Variants in MAPK10 observed in about 807,000 individuals in gnomAD.
MAPK10 encodes the protein mitogen-activated protein kinase 10.
MAPK10 carries 25 observed loss-of-function variants against 59.3 expected under a neutral mutation model. That is an observed-to-expected ratio of 0.42 (90% CI 0.31 to 0.59). The LOEUF is 0.59. Ranked by LOEUF, MAPK10 falls within the 20% of genes least tolerant of loss-of-function variation. The pLI is 0.15. For synonymous variants in MAPK10, 190 were observed against 200.5 expected (o/e 0.95, Z 0.44); for missense variants, 351 against 568.9 (o/e 0.62, Z 3.90).
At chr4:86,445,402 C>T (rs954570598) in intron 1 of MAPK10, among the ~76,000 whole-genome samples, 5 of 152,058 alleles carry the variant, frequency 3.3e-5, no homozygotes, top group Non-Finnish European at 4.4e-5. Flanking sequence ...GGGAACAACA[C>T]ATACTGGGGC....
chr4:86,468,393 G>A (rs1003316428), intron 1 of MAPK10, among the ~76,000 whole-genome samples: 3 of 152,154 alleles, frequency 2.0e-5, no homozygotes, highest in Non-Finnish European at 2.9e-5. Context: ...TCCTTACTAA[G>A]TCTGGGTTTT....
intron 2 of MAPK10, among the ~76,000 whole-genome samples, chr4:86,351,217 A>G (rs1457217819): frequency 6.6e-6 from 1 of 152,144 alleles, no homozygotes. Flanking sequence ...TGGACTTTAT[A>G]AAATGAATTA....
chr4:86,106,622 C>G (rs989179352), intron 5 of MAPK10, among the ~76,000 whole-genome samples: 5 of 151,730 alleles, frequency 3.3e-5, no homozygotes, highest in Non-Finnish European at 7.4e-5. Context: ...AAGTCCTTTA[C>G]TGGTCTACCC....
intron 4 of MAPK10, among the ~76,000 whole-genome samples, chr4:86,149,857 C>G (rs546195531): frequency 1.3e-5 from 2 of 152,308 alleles, no homozygotes; most frequent in Non-Finnish European, 2.9e-5. Flanking sequence ...CTAACCACGG[C>G]CTTTCACAGC....
At chr4:86,330,795 T>A (rs1156558073) in intron 2 of MAPK10, among the ~76,000 whole-genome samples, 1 of 152,206 alleles carries the variant, frequency 6.6e-6, no homozygotes, top group Non-Finnish European at 1.5e-5. Context: ...AGACCACTGC[T>A]GTTTTCATTA....
intron 11 of MAPK10, among the ~76,000 whole-genome samples, chr4:86,042,894 C>A (rs2041849836): frequency 6.6e-6 from 1 of 152,086 alleles, no homozygotes; most frequent in South Asian, 2.1e-4. Flanking sequence ...ATTTTCCAGT[C>A]ACCTTGGATG....
chr4:86,190,693 A>T (rs2079495127), intron 3 of MAPK10, among the ~76,000 whole-genome samples: 1 of 151,968 alleles, frequency 6.6e-6, no homozygotes, highest in Non-Finnish European at 1.5e-5. Context: ...TTTCAAAAAA[A>T]CCAGCTCCTG....
At chr4:86,241,428 G>A (rs1161593365) in intron 2 of MAPK10, among the ~76,000 whole-genome samples, 13 of 152,094 alleles carry the variant, frequency 8.5e-5, no homozygotes, top group African/African-American at 3.1e-4. Context: ...GTGTTTTCCA[G>A]CTTGTTTCCA....
intron 2 of MAPK10, among the ~76,000 whole-genome samples, chr4:86,295,238 C>T (rs2095330044): frequency 6.6e-6 from 1 of 152,134 alleles, no homozygotes; most frequent in African/African-American, 2.4e-5. Context: ...GGCCCCACGC[C>T]CTCTGCCTGG....
In MAPK10 at chr4:86,159,622, A is replaced by G. The variant is rs2068890931; in HGVS notation, c.67-155T>C. Among the ~76,000 whole-genome samples the G allele has an allele frequency of 2.0e-5, 3 of 152,050 alleles. No individual in the cohort carries two copies. The South Asian group carries it at 6.2e-4, about 31-fold the overall frequency. On this transcript the variant is annotated intron_variant, in intron 3 of 13. Coordinates refer to ENST00000641462, the MANE Select transcript of MAPK10 (RefSeq NM_138982.4). ...ATAGAAAAAAAATATGTATCAGTCCATGCAAGATTACCTCGAGTAAAAGAG... is the reference window on the plus strand; with the variant it reads ...ATAGAAAAAAAATATGTATCAGTCCGTGCAAGATTACCTCGAGTAAAAGAG...
At chr4:86,122,724 T>C (rs2059455355) in intron 4 of MAPK10, among the ~76,000 whole-genome samples, 1 of 152,146 alleles carries the variant, frequency 6.6e-6, no homozygotes, top group African/African-American at 2.4e-5. Flanking sequence ...TCCTCTTCAA[T>C]TAGGGAATAA....
chr4:86,315,563 A>G (rs1471533566), intron 2 of MAPK10, among the ~76,000 whole-genome samples: 1 of 152,146 alleles, frequency 6.6e-6, no homozygotes, highest in Non-Finnish European at 1.5e-5. Context: ...AAAATTAAAA[A>G]ATATTTAAAT....
rs557841479 is a variant in MAPK10 at position 86,338,384 on chromosome 4, G to T, written c.-7+16146C>A. ...ACGTAGAACGCCCCTTTTGTCTTGT[G>T]TATCTCAAGGACTGCTGCAGCCCTC... On this transcript the variant is annotated intron_variant, in intron 2 of 13. Transcript: ENST00000641462. Among the ~76,000 whole-genome samples, 66 of 152,272 alleles carry T rather than the reference G, an allele frequency of 4.3e-4. No individual in the cohort carries two copies. In the South Asian group the frequency reaches 0.01, roughly 24 times the overall value.
At chr4:86,078,604 T>TATAC (rs545667584) in intron 9 of MAPK10, among the ~76,000 whole-genome samples, 1,929 of 149,740 alleles carry the variant, frequency 0.013, 28 homozygotes, top group African/African-American at 0.035. Flanking sequence ...TATATATATA[T>TATAC]ACACACACAC....
intron 1 of MAPK10, among the ~76,000 whole-genome samples, chr4:86,583,406 G>A (rs1397931325): frequency 6.6e-6 from 1 of 151,994 alleles, no homozygotes; most frequent in Non-Finnish European, 1.5e-5. Context: ...TGCTTTCCTT[G>A]CAATCAGAAG....
chr4:86,417,088 T>C (rs1745950408), intron 1 of MAPK10, among the ~76,000 whole-genome samples: 1 of 152,340 alleles, frequency 6.6e-6, no homozygotes, highest in Admixed American at 6.5e-5. Context: ...ATTTAAACAA[T>C]GGTTACCTGG....
At chr4:86,330,431 T>C (rs1412002391) in intron 2 of MAPK10, among the ~76,000 whole-genome samples, 2 of 152,186 alleles carry the variant, frequency 1.3e-5, no homozygotes, top group Non-Finnish European at 2.9e-5. Context: ...GTCTGTGTCT[T>C]CACCCAAATC....
At chr4:86,145,104 C>G (rs2064589721) in intron 4 of MAPK10, among the ~76,000 whole-genome samples, 1 of 152,144 alleles carries the variant, frequency 6.6e-6, no homozygotes, top group Admixed American at 6.5e-5. Flanking sequence ...AAAAATTACT[C>G]TGGGTCCAGT....
Position 86,451,751 on chromosome 4 carries a change from C to T in MAPK10, c.-122+1279G>A, listed in dbSNP as rs1462404633. The stretch of plus-strand genomic sequence containing the variant: ...GCAAGGGAGGTGGAGTATTTACATT[C>T]CTAAAGTGGCAGTCATTCATTAAGG... On this transcript the variant is annotated intron_variant, in intron 1 of 13. Transcript: ENST00000361569. Among the ~76,000 whole-genome samples the T allele has an allele frequency of 2.6e-5, 4 of 152,216 alleles. No homozygotes were observed. The East Asian group carries it at 7.7e-4, about 29-fold the overall frequency.
Sources: gnomAD v4.1 joint callset for allele counts (sites outside exome capture counted in the v4.1 genomes callset) on GRCh38, gnomAD v4.1.1 for gene constraint, MANE v1.5 for transcripts, NCBI Gene and HGNC (gene_info 2026-07-23, HGNC 2026-07-21) for gene names.